Variants in SEMA3E observed in about 807,000 individuals in gnomAD.
SEMA3E encodes the protein semaphorin 3E.
SEMA3E carries 49 observed loss-of-function variants against 93.6 expected under a neutral mutation model. The ratio of observed to expected loss-of-function variants is 0.52; its 90% CI spans 0.42 to 0.66. The LOEUF (loss-of-function observed/expected upper bound fraction) is 0.66. Ranked by LOEUF, SEMA3E falls within the 30% of genes least tolerant of loss-of-function variation. SEMA3E has a pLI of 0.00. For synonymous variants in SEMA3E, 363 were observed against 330.7 expected, an observed-to-expected ratio of 1.10 and a Z score of -1.06; for missense variants, 906 against 964.8, an observed-to-expected ratio of 0.94 and a Z score of 0.81.
intron 1 of SEMA3E, among the ~76,000 whole-genome samples, chr7:83,639,042 C>T (rs1334399913): frequency 7.6e-6 from 1 of 131,528 alleles, no homozygotes; most frequent in Non-Finnish European, 1.6e-5. Flanking sequence ...ACCCGGGAGG[C>T]GGAGGTTGCA....
intron 4 of SEMA3E, 49 bp downstream of exon 4, chr7:83,466,433 G>A (rs375577924): frequency 5.0e-5 from 80 of 1,603,766 alleles, no homozygotes; most frequent in Non-Finnish European, 6.1e-5. Context: ...TGAGAACAAG[G>A]TTGTTTTAAG....
intron 2 of SEMA3E, among the ~76,000 whole-genome samples, chr7:83,475,989 C>T (rs759233354): frequency 2.0e-4 from 30 of 152,048 alleles, no homozygotes; most frequent in Non-Finnish European, 2.5e-4. Flanking sequence ...TCCTTTGATC[C>T]CTCATAGTGT....
intron 1 of SEMA3E, among the ~76,000 whole-genome samples, chr7:83,495,790 CA>C (rs1790479192): frequency 6.6e-6 from 1 of 151,794 alleles, no homozygotes; most frequent in African/African-American, 2.4e-5. Context: ...TTAAAAATTA[CA>C]ATAACTAGTG....
chr7:83,523,023 G>C (rs1298304035), intron 1 of SEMA3E, among the ~76,000 whole-genome samples: 1 of 152,078 alleles, frequency 6.6e-6, no homozygotes, highest in African/African-American at 2.4e-5. Context: ...GACTTGAACA[G>C]CACAGGCTAA....
At chr7:83,560,111 G>T (rs1467369908) in intron 1 of SEMA3E, among the ~76,000 whole-genome samples, 1 of 152,034 alleles carries the variant, frequency 6.6e-6, no homozygotes, top group Non-Finnish European at 1.5e-5. Flanking sequence ...TTAGGGAAGT[G>T]AAAATACTCT....
In SEMA3E at chr7:83,394,285, CA is replaced by C; in HGVS notation, c.1500+11del. ...ACACACACACCTACACACACACACACACAGAACTTACCCGCTTTGAAGAAAT... is the reference window on the plus strand; with the variant it reads ...ACACACACACCTACACACACACACACCAGAACTTACCCGCTTTGAAGAAAT... On this transcript the variant is annotated intron_variant, in intron 13 of 16. Transcript: ENST00000643230. 3.7e-6 allele frequency: 6 copies of C among 1,612,616 alleles called. No individual in the cohort carries two copies. Among genetic ancestry groups the C allele is most frequent in the Non-Finnish European group, 5.1e-6 (6 of 1,179,268 alleles).
chr7:83,393,674 A>G (rs1788064498), intron 13 of SEMA3E, among the ~76,000 whole-genome samples: 1 of 152,164 alleles, frequency 6.6e-6, no homozygotes, highest in Non-Finnish European at 1.5e-5. Flanking sequence ...ATTTAATATA[A>G]TATCTTTCCT....
intron 2 of SEMA3E, among the ~76,000 whole-genome samples, chr7:83,472,812 A>G (rs979198140): frequency 3.3e-5 from 5 of 152,172 alleles, no homozygotes; most frequent in South Asian, 4.1e-4. Context: ...AGGTAATTGA[A>G]TCATGGAGGC....
At chr7:83,613,503 C>T (rs1051518632) in intron 1 of SEMA3E, among the ~76,000 whole-genome samples, 5 of 151,828 alleles carry the variant, frequency 3.3e-5, no homozygotes, top group African/African-American at 9.7e-5. Context: ...ACAAAGAGCC[C>T]TATTTACCAT....
chr7:83,389,699 CACACAT>C (rs1787955892), intron 14 of SEMA3E, among the ~76,000 whole-genome samples: 2 of 148,720 alleles, frequency 1.3e-5, no homozygotes, highest in African/African-American at 4.9e-5. Context: ...TGTATACATA[CACACAT>C]ATATACACGT....
At chr7:83,636,887 T>G (rs2115693208) in intron 1 of SEMA3E, among the ~76,000 whole-genome samples, 1 of 152,214 alleles carries the variant, frequency 6.6e-6, no homozygotes, top group South Asian at 2.1e-4. Flanking sequence ...TGGGTCTCTT[T>G]TCAGCCCCAA....
chr7:83,406,983 A>T, intron 7 of SEMA3E, 114 bp downstream of exon 7: 1 of 1,219,470 alleles, frequency 8.2e-7, no homozygotes, highest in Non-Finnish European at 1.2e-6. Flanking sequence ...TATCAATTGT[A>T]GGCAGTCTAA....
intron 2 of SEMA3E, among the ~76,000 whole-genome samples, chr7:83,471,084 GA>G (rs1789883686): frequency 6.6e-6 from 1 of 151,498 alleles, no homozygotes; most frequent in East Asian, 1.9e-4. Context: ...TCCAATACTT[GA>G]ACAGTTTTCT....
intron 1 of SEMA3E, among the ~76,000 whole-genome samples, chr7:83,565,781 A>G (rs1332175040): frequency 6.6e-6 from 1 of 152,098 alleles, no homozygotes; most frequent in Non-Finnish European, 1.5e-5. Flanking sequence ...TCCAGTTTCT[A>G]AGGGTGAAAA....
Position 83,363,860 on chromosome 7 carries a change from A to ATTTTTTTTTTTTTT in SEMA3E, c.*3712_*3725dup, listed in dbSNP as rs56867715. ...GGCTACAGGTGTCACAGGTCAATTC[A>ATTTTTTTTTTTTTT]TTTTTTTTTTTTTTTTTTTTTTTTT... On this transcript the variant is annotated 3_prime_UTR_variant, in exon 17 of 17. Coordinates refer to ENST00000643230, the MANE Select transcript of SEMA3E (RefSeq NM_012431.3). 1.3e-5 allele frequency: 1 copy of ATTTTTTTTTTTTTT among 76,920 alleles called. No individual in the cohort carries two copies. The highest frequency in any genetic ancestry group is 5.0e-5 in the African/African-American group (1 of 20,064). The allele number at this position is 76,920 out of a possible 1,614,324, so 4.8% of individuals were successfully genotyped here.
intron 1 of SEMA3E, among the ~76,000 whole-genome samples, chr7:83,632,888 A>C (rs1793814547): frequency 6.6e-6 from 1 of 152,190 alleles, no homozygotes; most frequent in South Asian, 2.1e-4. Flanking sequence ...AAAATGCACA[A>C]ATTCAAAATG....
rs186637706 is a variant in SEMA3E at position 83,629,184 on chromosome 7, C to T, written c.115+19244G>A. 2.1e-4 allele frequency among the ~76,000 whole-genome samples: 32 copies of T among 152,290 alleles called. 1 individual carries two copies. The East Asian group carries it at 6.0e-3, about 29-fold the overall frequency. The stretch of plus-strand genomic sequence containing the variant: ...TGCCTGCTCCTTCCTCTGGAAGCTT[C>T]ATCTGAGAGGGGCACCTGCCAGTTG... On this transcript the variant is annotated intron_variant, in intron 1 of 16. Coordinates refer to ENST00000643230, the MANE Select transcript of SEMA3E (RefSeq NM_012431.3).
chr7:83,524,712 C>T (rs968230753), intron 1 of SEMA3E, among the ~76,000 whole-genome samples: 1 of 152,038 alleles, frequency 6.6e-6, no homozygotes, highest in Non-Finnish European at 1.5e-5. Flanking sequence ...TTCTGTCTCT[C>T]TTTTTAAAAT....
intron 2 of SEMA3E, among the ~76,000 whole-genome samples, chr7:83,474,749 C>T (rs973336458): frequency 6.6e-6 from 1 of 152,154 alleles, no homozygotes; most frequent in Non-Finnish European, 1.5e-5. Flanking sequence ...GAGTCACTGA[C>T]CCCACTATAG....
Sources: gnomAD v4.1 joint callset for allele counts (sites outside exome capture counted in the v4.1 genomes callset) on GRCh38, gnomAD v4.1.1 for gene constraint, MANE v1.5 for transcripts, NCBI Gene and HGNC (gene_info 2026-07-23, HGNC 2026-07-21) for gene names.